ATF7: variants seen among roughly 807,000 people sequenced by gnomAD.
ATF7 encodes activating transcription factor 7.
In ATF7, 10 loss-of-function variants were observed where a neutral mutation model predicts 50.4. That is an observed-to-expected ratio of 0.20 (90% confidence interval 0.12 to 0.34). ATF7 has a LOEUF of 0.34. Among genes scored for constraint, ATF7 ranks in the 10% least tolerant of loss-of-function variants. ATF7 has a pLI of 1.00. For synonymous variants in ATF7, 201 were observed against 226.4 expected (o/e 0.89, Z 1.01); for missense variants, 465 against 613.9 (o/e 0.76, Z 2.56).
At chr12:53,600,808 C>CT in intron 2 of ATF7, 145 bp downstream of exon 2, 1 of 722,872 alleles carries the variant, frequency 1.4e-6, no homozygotes, top group South Asian at 1.9e-5. Context: ...TTCCTCATAA[C>CT]TTGGATTTAC....
chr12:53,532,753 G>C (rs376731149), intron 7 of ATF7, 130 bp from the exon 8 acceptor site: 1 of 639,392 alleles, frequency 1.6e-6, no homozygotes, highest in African/African-American at 1.8e-5. Flanking sequence ...TGTGCCCATA[G>C]GGCGTGCAGG....
intron 1 of ATF7, among the ~76,000 whole-genome samples, chr12:53,620,153 C>A (rs1944316011): frequency 6.6e-6 from 1 of 151,432 alleles, no homozygotes; most frequent in Non-Finnish European, 1.5e-5. Flanking sequence ...CAAAAAAAAA[C>A]CATGGCCGAG....
intron 1 of ATF7, among the ~76,000 whole-genome samples, chr12:53,625,490 G>A (rs963074137): frequency 6.6e-5 from 10 of 152,122 alleles, no homozygotes; most frequent in African/African-American, 2.4e-4. Context: ...TCGCTCTCAA[G>A]GCTCATATCC....
intron 1 of ATF7, among the ~76,000 whole-genome samples, chr12:53,615,370 C>A (rs192902385): frequency 6.6e-6 from 1 of 151,540 alleles, no homozygotes; most frequent in Non-Finnish European, 1.5e-5. Flanking sequence ...GGTGACAGAG[C>A]GAGACTCTGT....
At chr12:53,572,025 C>T (rs1941794139) in intron 2 of ATF7, among the ~76,000 whole-genome samples, 1 of 151,690 alleles carries the variant, frequency 6.6e-6, no homozygotes, top group African/African-American at 2.4e-5. Context: ...CGAGACAGTG[C>T]CACTGCACTC....
intron 2 of ATF7, among the ~76,000 whole-genome samples, chr12:53,583,347 C>A (rs1364063030): frequency 6.6e-6 from 1 of 151,542 alleles, no homozygotes; most frequent in Non-Finnish European, 1.5e-5. Flanking sequence ...GGTTGTATGC[C>A]CCTTATGAGA....
intron 9 of ATF7, among the ~76,000 whole-genome samples, chr12:53,531,479 G>A (rs890662798): frequency 6.6e-6 from 1 of 150,816 alleles, no homozygotes; most frequent in African/African-American, 2.4e-5. Flanking sequence ...TACTCAGTCT[G>A]TTTGCATGAA....
intron 2 of ATF7, among the ~76,000 whole-genome samples, chr12:53,597,468 G>T (rs1401283484): frequency 6.6e-6 from 1 of 152,174 alleles, no homozygotes; most frequent in Non-Finnish European, 1.5e-5. Flanking sequence ...GTCTGGGCAA[G>T]GAGCAGATAT....
chr12:53,547,327 C>T (rs796195148), intron 3 of ATF7, among the ~76,000 whole-genome samples: 2 of 125,842 alleles, frequency 1.6e-5, no homozygotes, highest in East Asian at 2.8e-4. Flanking sequence ...CACTCTGTTA[C>T]CTAGTTTGGA....
intron 2 of ATF7, among the ~76,000 whole-genome samples, chr12:53,558,950 C>G (rs1461396156): frequency 6.6e-6 from 1 of 152,094 alleles, no homozygotes; most frequent in African/African-American, 2.4e-5. Flanking sequence ...TAGAATCTCT[C>G]CTCCTCACAA....
At chr12:53,539,750 C>T (rs918948559) in intron 4 of ATF7, among the ~76,000 whole-genome samples, 4 of 151,502 alleles carry the variant, frequency 2.6e-5, no homozygotes, top group African/African-American at 7.3e-5. Context: ...GACAAAAAGA[C>T]TGTGGCTAGT....
intron 2 of ATF7, among the ~76,000 whole-genome samples, chr12:53,561,875 G>A (rs558176501): frequency 6.6e-6 from 1 of 152,294 alleles, no homozygotes; most frequent in South Asian, 2.1e-4. Flanking sequence ...TGCTGCATGT[G>A]TGAGCGACAT....
chr12:53,578,284 G>A (rs953044883), intron 2 of ATF7, among the ~76,000 whole-genome samples: 1 of 150,840 alleles, frequency 6.6e-6, no homozygotes, highest in Non-Finnish European at 1.5e-5. Flanking sequence ...TGAGGTGGGA[G>A]GATCGCTTAA....
At chr12:53,618,863 G>T (rs1483356949) in intron 1 of ATF7, among the ~76,000 whole-genome samples, 1 of 152,000 alleles carries the variant, frequency 6.6e-6, no homozygotes, top group African/African-American at 2.4e-5. Context: ...ACCACCCTGA[G>T]CAACATGGTG....
At chr12:53,521,702 GTTTA>G (rs1399252243) in intron 11 of ATF7, among the ~76,000 whole-genome samples, 1 of 151,754 alleles carries the variant, frequency 6.6e-6, no homozygotes, top group East Asian at 1.9e-4. Context: ...TATTTATCTT[GTTTA>G]TTGTCTGTCT....
At chr12:53,587,576 A>G (rs369421704) in intron 2 of ATF7, among the ~76,000 whole-genome samples, 34 of 150,126 alleles carry the variant, frequency 2.3e-4, no homozygotes, top group African/African-American at 7.8e-4. Context: ...CTGAGGCACG[A>G]CAATCGCCTG....
intron 1 of ATF7, among the ~76,000 whole-genome samples, chr12:53,615,112 G>A (rs1047860934): frequency 2.0e-5 from 3 of 151,834 alleles, no homozygotes; most frequent in Admixed American, 6.6e-5. Flanking sequence ...AGCTGGGTGC[G>A]GTGGCTCACG....
chr12:53,537,853 T>C (rs1469690344), intron 4 of ATF7, among the ~76,000 whole-genome samples: 2 of 152,040 alleles, frequency 1.3e-5, no homozygotes, highest in East Asian at 1.9e-4. Context: ...GCTGGGATTA[T>C]AGGCATGTGC....
At chr12:53,600,180 G>C (rs1943332920) in intron 2 of ATF7, among the ~76,000 whole-genome samples, 1 of 151,986 alleles carries the variant, frequency 6.6e-6, no homozygotes, top group South Asian at 2.1e-4. Flanking sequence ...ATGATTTTCT[G>C]GATCAACAGT....
Sources: allele counts gnomAD v4.1 joint callset (sites outside exome capture counted in the v4.1 genomes callset), GRCh38; gene constraint gnomAD v4.1.1; transcripts MANE v1.5; gene names NCBI Gene and HGNC (gene_info 2026-07-23, HGNC 2026-07-21).